IDO1: variants seen among roughly 807,000 people sequenced by gnomAD.
IDO1 encodes indolamine 2,3 dioxygenase.
Under a neutral mutation model 38.8 loss-of-function variants are expected in IDO1, and 35 were observed. The observed-to-expected ratio is 0.90, with a 90% confidence interval of 0.69 to 1.20. The LOEUF (loss-of-function observed/expected upper bound fraction) is 1.20, where lower values mean the gene tolerates loss of function less well. IDO1 is among the 50% of genes most tolerant of loss of function. IDO1 has a pLI of 0.00. For missense variants in IDO1, 509 were observed against 485.1 expected, an observed-to-expected ratio of 1.05 and a Z score of -0.46; for synonymous variants, 171 against 170.0, an observed-to-expected ratio of 1.01 and a Z score of -0.05.
Position 39,925,231 on chromosome 8 carries a change from G to A in IDO1, c.716G>A (p.Gly239Asp). ...VLRIYLSGWK[G>D]NPQLSDGLVY... ...TTTCTTTCCTCTGATAGCTGGAAAG[G>A]CAACCCCCAGCTATCAGACGGTCTG... The change falls in exon 9 of 10, where the codon GGC (glycine) becomes GAC (aspartate). Residue 239 changes from glycine (G) to aspartate (D), a missense_variant. Coordinates refer to ENST00000518237, the MANE Select transcript of IDO1 (RefSeq NM_002164.6). 1 of 1,583,018 alleles carries A rather than the reference G, an allele frequency of 6.3e-7. No homozygotes were observed.
chr8:39,924,641 A>G (rs1807330438), intron 7 of IDO1, 80 bp from the exon 8 acceptor site: 2 of 996,600 alleles, frequency 2.0e-6, no homozygotes, highest in Non-Finnish European at 1.6e-6. Flanking sequence ...GCCAAAATCC[A>G]TTATCAGTTG....
chr8:39,925,501 G>A, intron 9 of IDO1, 130 bp downstream of exon 9: 1 of 916,372 alleles, frequency 1.1e-6, no homozygotes, highest in Non-Finnish European at 1.6e-6. Context: ...CAGGCAAGTA[G>A]GGATTTGGTT....
rs373557196 is a variant in IDO1 at position 39,923,586 on chromosome 8, G to A, written c.655G>A (p.Asp219Asn). 2.2e-5 allele frequency: 35 copies of A among 1,573,262 alleles called. 1 individual carries two copies. Among genetic ancestry groups the A allele is most frequent in the Middle Eastern group, 1.7e-4 (1 of 5,998 alleles). Residue 219 changes from aspartate to asparagine, a missense_variant and splice_region_variant, in exon 7 of 10, where the codon GAT becomes AAT. Coordinates refer to ENST00000518237, the MANE Select transcript of IDO1 (RefSeq NM_002164.6). Reference sequence around the variant, plus strand: ...CCTTCAAGTGTTTCACCAAATCCACGGCAAGTGTTGTGTGCAGTGCAATAG... The same window carrying A: ...CCTTCAAGTGTTTCACCAAATCCACAGCAAGTGTTGTGTGCAGTGCAATAG... ...KALQVFHQIH[D>N]HVNPKAFFSV...
In IDO1 at chr8:39,926,622, C is replaced by T. The variant is rs375145334; in HGVS notation, c.857-1208C>T. On this transcript the variant is annotated intron_variant, in intron 9 of 9. Coordinates refer to ENST00000518237, the MANE Select transcript of IDO1 (RefSeq NM_002164.6). ...GTTTAACAGTCAAAGGGGAAAGCAT[C>T]GGGCTGGGTAAAAACATGAGTTTTT... 9.9e-5 allele frequency among the ~76,000 whole-genome samples: 15 copies of T among 152,280 alleles called. No individual in the cohort carries two copies. In the South Asian group the frequency reaches 1.5e-3, roughly 15 times the overall value.
At chr8:39,926,435 C>G (rs555860173) in intron 9 of IDO1, among the ~76,000 whole-genome samples, 1 of 152,294 alleles carries the variant, frequency 6.6e-6, no homozygotes, top group South Asian at 2.1e-4. Context: ...GGGCCCTGCT[C>G]TTGTTCAGCT....
At chr8:39,920,673 C>CA (rs1354171371) in intron 5 of IDO1, 2 of 152,034 alleles carry the variant, frequency 1.3e-5, no homozygotes, top group African/African-American at 4.8e-5. Context: ...ACTAAAAATA[C>CA]AAAAAATTAG....
At chr8:39,918,746 CAAAAAAA>C (rs1214540367) in intron 3 of IDO1, 62 bp from the exon 4 acceptor site, 5 of 291,398 alleles carry the variant, frequency 1.7e-5, no homozygotes, top group East Asian at 7.6e-5. Context: ...GACTCCATCT[CAAAAAAA>C]AAAAAAAAAA....
At chr8:39,921,212 G>A (rs763840725) in intron 5 of IDO1, among the ~76,000 whole-genome samples, 9 of 151,912 alleles carry the variant, frequency 5.9e-5, no homozygotes, top group East Asian at 1.9e-4. Context: ...TTTAAAGATC[G>A]CTGGGAAAAG....
Position 39,918,888 on chromosome 8 carries a change from A to T in IDO1, c.377A>T (p.Tyr126Phe). The change falls in exon 4 of 10, where the codon TAT (tyrosine) becomes TTT (phenylalanine). Residue 126 changes from tyrosine to phenylalanine, a missense_variant. Physicochemically the swap from Tyr to Phe is conservative, Grantham distance 22. Transcript: ENST00000518237. ...CTGGAACTGCCTCCTATTTTGGTTTATGCAGACTGTGTCTTGGCAAACTGG... is the reference window on the plus strand; with the variant it reads ...CTGGAACTGCCTCCTATTTTGGTTTTTGCAGACTGTGTCTTGGCAAACTGG... ...KKLELPPILV[Y>F]ADCVLANWKK... is the part of the protein sequence containing the mutation. 6.2e-7 allele frequency: 1 copy of T among 1,612,678 alleles called. No individual in the cohort carries two copies. Among genetic ancestry groups the T allele is most frequent in the Non-Finnish European group, 8.5e-7 (1 of 1,178,794 alleles).
chr8:39,924,388 A>G (rs1032375060), intron 7 of IDO1, among the ~76,000 whole-genome samples: 4 of 152,196 alleles, frequency 2.6e-5, no homozygotes, highest in Non-Finnish European at 5.9e-5. Flanking sequence ...TTTTAAAAAT[A>G]GAGAGGGAAA....
chr8:39,921,714 A>G (rs1328513682), intron 5 of IDO1, among the ~76,000 whole-genome samples: 1 of 152,234 alleles, frequency 6.6e-6, no homozygotes, highest in Non-Finnish European at 1.5e-5. Flanking sequence ...ATATACAGAT[A>G]GTAAGACTAT....
At chr8:39,921,475 T>C (rs1807270757) in intron 5 of IDO1, among the ~76,000 whole-genome samples, 1 of 151,974 alleles carries the variant, frequency 6.6e-6, no homozygotes, top group Non-Finnish European at 1.5e-5. Context: ...TAAAAATAAA[T>C]AAAGATTATG....
At chr8:39,915,950 G>A (rs1403394295) in intron 1 of IDO1, among the ~76,000 whole-genome samples, 3 of 152,230 alleles carry the variant, frequency 2.0e-5, no homozygotes, top group African/African-American at 7.2e-5. Context: ...TGGATCATGA[G>A]GTCAGGAGTT....
In IDO1 at chr8:39,927,950, C is replaced by T; in HGVS notation, c.977C>T (p.Ala326Val). 6.2e-7 allele frequency: 1 copy of T among 1,605,290 alleles called. No homozygotes were observed. The highest frequency in any genetic ancestry group is 8.5e-7 in the Non-Finnish European group (1 of 1,175,704). The change falls in exon 10 of 10, where the codon GCT (alanine) becomes GTT (valine). Residue 326 changes from alanine to valine, a missense_variant. Ala to Val is a moderately conservative substitution (Grantham distance 64). Coordinates refer to ENST00000518237, the MANE Select transcript of IDO1 (RefSeq NM_002164.6). ...VREFVLSKGD[A>V]GLREAYDACV... ...GAGTTTGTCCTTTCAAAAGGTGATG[C>T]TGGCCTGCGGGAAGCTTATGACGCC...
At position 39,927,958 on chromosome 8, in the gene IDO1, C is replaced by A; in HGVS notation, c.985C>A (p.Arg329=). 4 of 1,604,632 alleles carry A rather than the reference C, an allele frequency of 2.5e-6. No homozygotes were observed. The highest frequency in any genetic ancestry group is 3.4e-6 in the Non-Finnish European group (4 of 1,175,396). Residue 329 remains arginine (R), a synonymous_variant, in exon 10 of 10, where the codon CGG becomes AGG. Coordinates refer to ENST00000518237, the MANE Select transcript of IDO1 (RefSeq NM_002164.6). The stretch of plus-strand genomic sequence containing the variant: ...CCTTTCAAAAGGTGATGCTGGCCTG[C>A]GGGAAGCTTATGACGCCTGTGTGAA... ...FVLSKGDAGL[R]EAYDACVKAL... is the part of the protein sequence containing the mutation.
At chr8:39,917,822 C>G in intron 1 of IDO1, 53 bp from the exon 2 acceptor site, 1 of 1,258,238 alleles carries the variant, frequency 7.9e-7, no homozygotes, top group Admixed American at 1.9e-5. Context: ...CAGTGGGAAG[C>G]CAAATCTACA....
At chr8:39,924,608 TA>T in intron 7 of IDO1, 112 bp from the exon 8 acceptor site, 3 of 708,622 alleles carry the variant, frequency 4.2e-6, no homozygotes, top group Non-Finnish European at 7.6e-6. Flanking sequence ...TAGACTGACC[TA>T]ATGCCTTTTC....
intron 9 of IDO1, among the ~76,000 whole-genome samples, chr8:39,927,335 T>G (rs911379884): frequency 6.6e-6 from 1 of 151,660 alleles, no homozygotes; most frequent in Non-Finnish European, 1.5e-5. Context: ...CTGAGGCAGG[T>G]GGATCATCTG....
At chr8:39,927,050 T>C (rs992244319) in intron 9 of IDO1, among the ~76,000 whole-genome samples, 7 of 152,220 alleles carry the variant, frequency 4.6e-5, no homozygotes, top group Non-Finnish European at 1.0e-4. Context: ...TTTTCATGGC[T>C]GTGTAGTATT....
Sources: allele counts gnomAD v4.1 joint callset (sites outside exome capture counted in the v4.1 genomes callset), GRCh38; gene constraint gnomAD v4.1.1; transcripts MANE v1.5; gene names NCBI Gene and HGNC (gene_info 2026-07-23, HGNC 2026-07-21).